RYR2: variants seen among roughly 807,000 people sequenced by gnomAD.
RYR2 encodes cardiac muscle ryanodine receptor-calcium release channel.
A neutral mutation model predicts 601.1 loss-of-function variants in RYR2; 227 were observed. The ratio of observed to expected loss-of-function variants is 0.38; its 90% confidence interval spans 0.34 to 0.42. RYR2 has a LOEUF of 0.42. Ranked by LOEUF, RYR2 falls within the 10% of genes least tolerant of loss-of-function variation. RYR2 has a pLI of 1.00. For missense variants in RYR2, 4,646 were observed against 6,156.5 expected (o/e 0.75, Z 8.21); for synonymous variants, 2,223 against 2,175.1 (o/e 1.02, Z -0.61).
chr1:237,828,193 A>T (rs1462864284), intron 101 of RYR2, among the ~76,000 whole-genome samples, 188 bp from the exon 102 acceptor site: 1 of 152,160 alleles, frequency 6.6e-6, no homozygotes, highest in Non-Finnish European at 1.5e-5. Context: ...AACTGCACAT[A>T]CTTCTGTCCC....
intron 88 of RYR2, 55 bp downstream of exon 88, chr1:237,778,825 C>A: frequency 1.2e-6 from 1 of 842,176 alleles, no homozygotes; most frequent in South Asian, 1.4e-5. Flanking sequence ...AGACTGTAAT[C>A]ATCAGCAAAT....
intron 1 of RYR2, among the ~76,000 whole-genome samples, chr1:237,149,867 T>G (rs1254482470): frequency 6.6e-6 from 1 of 152,196 alleles, no homozygotes; most frequent in Non-Finnish European, 1.5e-5. Context: ...ATGTGAGTAT[T>G]TTCAAATACA....
At chr1:237,342,696 ATTAAGTC>A (rs952289321) in intron 3 of RYR2, among the ~76,000 whole-genome samples, 16 of 152,156 alleles carry the variant, frequency 1.1e-4, no homozygotes, top group Admixed American at 2.0e-4. Context: ...CTGGTGAAGC[ATTAAGTC>A]TTAAGACCAC....
chr1:237,391,351 A>G lies in RYR2; in HGVS notation c.773+3168A>G, dbSNP rs549468605. Among the ~76,000 whole-genome samples, 34 of 152,278 alleles carry G rather than the reference A, an allele frequency of 2.2e-4. No homozygotes were observed. The South Asian group carries it at 7.0e-3, about 32-fold the overall frequency. On this transcript the variant is annotated intron_variant, in intron 10 of 104. Coordinates refer to ENST00000366574, the MANE Select transcript of RYR2 (RefSeq NM_001035.3). ...AAAGTAATTTGATTTTTGCACAGTG[A>G]CATGAAAGCTAGAGAAGGTCCTGGG...
At position 237,757,716 on chromosome 1, in the gene RYR2, A is replaced by T. The variant is rs762418123; in HGVS notation, c.11265A>T (p.Val3755=). Residue 3755 remains valine (V), a synonymous_variant, in exon 82 of 105, where the codon GTA becomes GTT. Coordinates refer to ENST00000366574, the MANE Select transcript of RYR2 (RefSeq NM_001035.3). Reference sequence around the variant, plus strand: ...TCTTAGGTGAAACTGGACCAATGGTAGCAGCTACTCTGAAACTTGGAATTG... The same window carrying T: ...TCTTAGGTGAAACTGGACCAATGGTTGCAGCTACTCTGAAACTTGGAATTG... ...SASKGETGPM[V]AATLKLGIAI... 4 of 1,610,978 alleles carry T rather than the reference A, an allele frequency of 2.5e-6. No individual in the cohort carries two copies. The highest frequency in any genetic ancestry group is 2.5e-6 in the Non-Finnish European group (3 of 1,177,252).
intron 1 of RYR2, among the ~76,000 whole-genome samples, chr1:237,213,052 G>A (rs144573136): frequency 0.089 from 13,544 of 152,038 alleles, 685 homozygotes; most frequent in East Asian, 0.19. Flanking sequence ...GATTACAGGC[G>A]TGAGCCACCA....
chr1:237,595,418 TTTAG>T (rs1675784510), intron 33 of RYR2, 76 bp from the exon 34 acceptor site: 12 of 1,515,820 alleles, frequency 7.9e-6, no homozygotes, highest in Non-Finnish European at 1.1e-5. Flanking sequence ...CGCAGCATAA[TTTAG>T]TTAGTTTGCA....
At chr1:237,348,306 C>T (rs1324737239) in intron 3 of RYR2, among the ~76,000 whole-genome samples, 1 of 152,142 alleles carries the variant, frequency 6.6e-6, no homozygotes, top group Non-Finnish European at 1.5e-5. Context: ...GGGAAACAAG[C>T]TCAGAAGCTT....
chr1:237,256,574 C>T (rs972283243), intron 1 of RYR2, among the ~76,000 whole-genome samples: 24 of 152,150 alleles, frequency 1.6e-4, no homozygotes, highest in African/African-American at 5.8e-4. Context: ...TATTCCGTTT[C>T]CTGGATTTTA....
intron 1 of RYR2, among the ~76,000 whole-genome samples, chr1:237,254,078 A>C (rs1687724402): frequency 6.6e-6 from 1 of 152,216 alleles, no homozygotes; most frequent in Non-Finnish European, 1.5e-5. Flanking sequence ...ATGTCAAAAC[A>C]TATCCCAGAA....
Position 237,819,193 on chromosome 1 carries a change from G to A in RYR2, c.14590+1G>A. On this transcript the variant is annotated splice_donor_variant, in intron 101 of 104. Coordinates refer to ENST00000366574, the MANE Select transcript of RYR2 (RefSeq NM_001035.3). LOFTEE classifies it high-confidence loss of function. This position sits in a 1 kb window ranked among gnomAD's most constrained non-coding sequence, Gnocchi z 4.0. ...GTCATTCTCTTGGCCATAATACAAG[G>A]TAAGTATCCTCCTCACTGAAGCTGA... 1 of 1,612,250 alleles carries A rather than the reference G, an allele frequency of 6.2e-7. No individual in the cohort carries two copies. The highest frequency in any genetic ancestry group is 8.5e-7 in the Non-Finnish European group (1 of 1,178,568).
chr1:237,571,005 T>A (rs1403058480), intron 29 of RYR2, among the ~76,000 whole-genome samples: 1 of 152,072 alleles, frequency 6.6e-6, no homozygotes, highest in Non-Finnish European at 1.5e-5. Context: ...CATGTTCCTG[T>A]AGCTCCAGCT....
chr1:237,420,750 G>A (rs1292985701), intron 11 of RYR2, among the ~76,000 whole-genome samples: 2 of 152,146 alleles, frequency 1.3e-5, no homozygotes. Context: ...AGATACGCTA[G>A]CAAATAGTAT....
chr1:237,505,131 T>A (rs925633021), intron 22 of RYR2, among the ~76,000 whole-genome samples: 4 of 152,240 alleles, frequency 2.6e-5, no homozygotes, highest in African/African-American at 7.2e-5. Flanking sequence ...TACTCTTCCC[T>A]TAGGGGAGCT....
intron 1 of RYR2, among the ~76,000 whole-genome samples, chr1:237,238,603 T>A (rs1396919851): frequency 6.6e-6 from 1 of 152,174 alleles, no homozygotes; most frequent in Admixed American, 6.5e-5. Context: ...TCTCACTTTG[T>A]CCTCTGGTCT....
intron 25 of RYR2, among the ~76,000 whole-genome samples, chr1:237,539,855 G>C (rs2490929): frequency 0.36 from 55,180 of 151,844 alleles, 10,588 homozygotes; most frequent in East Asian, 0.48. Context: ...AAAATAAAAT[G>C]TTTTTTTAAA....
intron 56 of RYR2, among the ~76,000 whole-genome samples, chr1:237,665,397 CAAAAAAAA>C (rs71162408): frequency 3.1e-5 from 3 of 95,606 alleles, no homozygotes; most frequent in Admixed American, 1.9e-4. Context: ...GACTCTGTCT[CAAAAAAAA>C]AAAAAAAAAA....
chr1:237,092,457 T>C (rs914625759), intron 1 of RYR2, among the ~76,000 whole-genome samples: 1 of 152,132 alleles, frequency 6.6e-6, no homozygotes, highest in Non-Finnish European at 1.5e-5. Flanking sequence ...CATGTTATTT[T>C]AAAATATATG....
intron 35 of RYR2, among the ~76,000 whole-genome samples, chr1:237,605,568 G>A (rs960240764): frequency 2.7e-4 from 41 of 152,288 alleles, no homozygotes; most frequent in African/African-American, 9.1e-4. Flanking sequence ...TCTGGCCAGA[G>A]CAATCAGGCA....
Sources: allele counts gnomAD v4.1 joint callset (sites outside exome capture counted in the v4.1 genomes callset), GRCh38; gene constraint gnomAD v4.1.1; non-coding constraint Gnocchi (gnomAD v3.1); transcripts MANE v1.5; gene names NCBI Gene and HGNC (gene_info 2026-07-23, HGNC 2026-07-21).